LPO: variants seen among roughly 807,000 people sequenced by gnomAD.
LPO encodes salivary peroxidase.
Under a neutral mutation model 68.4 loss-of-function variants are expected in LPO, and 70 were observed. The observed-to-expected ratio is 1.02, with a 90% CI of 0.84 to 1.25. LPO has a LOEUF of 1.25. Among genes scored for constraint, LPO ranks in the 50% most tolerant of loss-of-function variants. LPO has a pLI of 0.00. For missense variants in LPO, 873 were observed against 908.4 expected (o/e 0.96, Z 0.50); for synonymous variants, 360 against 357.6 (o/e 1.01, Z -0.08).
Position 58,250,457 on chromosome 17 carries a change from G to C in LPO, c.616G>C (p.Glu206Gln). Residue 206 changes from glutamate to glutamine, a missense_variant, in exon 7 of 13, where the codon GAG becomes CAG. Glu to Gln is a conservative substitution (Grantham distance 29). Transcript: ENST00000262290. ...CAAGATTGTTGGCTATCTGAATGAG[G>C]AGGGTGTTCTGGACCAAAACAGGTC... is the stretch of plus-strand genomic sequence containing the variant. ...SNKIVGYLNE[E>Q]GVLDQNRSLL... 6.2e-7 allele frequency: 1 copy of C among 1,614,176 alleles called. No homozygotes were observed. The highest frequency in any genetic ancestry group is 2.2e-5 in the East Asian group (1 of 44,878).
rs139269539 is a variant in LPO at position 58,267,878 on chromosome 17, C to T, written c.2023C>T (p.Arg675Cys). The T allele has an allele frequency of 6.5e-5, 105 of 1,614,010 alleles. No homozygotes were observed. In the African/African-American group the frequency reaches 1.1e-3, roughly 18 times the overall value. ...CTCACGCCTTGTCTGTGACAACACC[C>T]GCATCACCAAGGTCCCACGGGACCC... ...SFSRLVCDNT[R>C]ITKVPRDPFW... The change falls in exon 13 of 13, where the codon CGC (arginine) becomes TGC (cysteine). Residue 675 changes from arginine (R) to cysteine (C), a missense_variant. Coordinates refer to ENST00000262290, the MANE Select transcript of LPO (RefSeq NM_006151.3).
At chr17:58,242,506 G>C (rs532819891) in intron 1 of LPO, among the ~76,000 whole-genome samples, 1 of 152,332 alleles carries the variant, frequency 6.6e-6, no homozygotes, top group Admixed American at 6.5e-5. Flanking sequence ...ATCCTGCAGG[G>C]AAGGAGGGAG....
At chr17:58,254,683 A>C in intron 8 of LPO, 128 bp from the exon 9 acceptor site, 1 of 752,804 alleles carries the variant, frequency 1.3e-6, no homozygotes. Flanking sequence ...CCTGACGGGA[A>C]GTAGGGCTTG....
intron 7 of LPO, chr17:58,251,081 C>A: frequency 5.9e-6 from 1 of 168,232 alleles, no homozygotes; most frequent in Non-Finnish European, 1.3e-5. Flanking sequence ...GAGTTTGAGA[C>A]CAGCCTGGCC....
rs755267298 is a variant in LPO at position 58,267,624 on chromosome 17, C to T, written c.1931+38C>T. On this transcript the variant is annotated intron_variant, in intron 12 of 12. Coordinates refer to ENST00000262290, the MANE Select transcript of LPO (RefSeq NM_006151.3). The stretch of plus-strand genomic sequence containing the variant: ...TCAGCCAGGGAGGGAAGGGCAGGGC[C>T]CTTCTCCAAGAGGGGTGTCCCAAGG... 3 of 1,562,630 alleles carry T rather than the reference C, an allele frequency of 1.9e-6. No individual in the cohort carries two copies. The South Asian group carries it at 3.6e-5, about 19-fold the overall frequency.
Position 58,266,205 on chromosome 17 carries a change from G to A in LPO, c.1572G>A (p.Met524Ile). 2.5e-6 allele frequency: 4 copies of A among 1,614,144 alleles called. No homozygotes were observed. The highest frequency in any genetic ancestry group is 3.4e-6 in the Non-Finnish European group (4 of 1,180,040). ...TGCTGGCCAAGAAATCCAAGCTGAT[G>A]AAACAGAATAAAATGATGACTGGAG... ...RGLLAKKSKL[M>I]KQNKMMTGEL... The change falls in exon 11 of 13, where the codon ATG becomes ATA. Residue 524 changes from methionine (M) to isoleucine (I), a missense_variant. Physicochemically the swap from Met to Ile is conservative, Grantham distance 10. Transcript: ENST00000262290.
At chr17:58,254,458 G>T (rs1007507969) in intron 8 of LPO, 1 of 160,822 alleles carries the variant, frequency 6.2e-6, no homozygotes, top group Non-Finnish European at 1.4e-5. Context: ...TTCCTAGAAG[G>T]CGGTTGGGTT....
intron 7 of LPO, chr17:58,251,588 A>G (rs542646874): frequency 3.6e-5 from 9 of 252,258 alleles, no homozygotes; most frequent in Non-Finnish European, 5.6e-5. Flanking sequence ...CTTCACTCAA[A>G]GAATAAATCG....
chr17:58,245,483 G>A (rs188555529), intron 3 of LPO, among the ~76,000 whole-genome samples: 2 of 152,178 alleles, frequency 1.3e-5, no homozygotes, highest in Admixed American at 1.3e-4. Context: ...TCTCTGCCTG[G>A]GAGCATCGGG....
At chr17:58,260,529 T>C (rs992527986) in intron 9 of LPO, among the ~76,000 whole-genome samples, 1 of 152,234 alleles carries the variant, frequency 6.6e-6, no homozygotes, top group Non-Finnish European at 1.5e-5. Flanking sequence ...AAATGTTTTG[T>C]AGTTGCCCTT....
At chr17:58,266,038 C>T in intron 10 of LPO, 115 bp from the exon 11 acceptor site, 1 of 981,516 alleles carries the variant, frequency 1.0e-6, no homozygotes, top group Non-Finnish European at 1.5e-6. Flanking sequence ...CCTGGGATGT[C>T]CAGGTGACCC....
At chr17:58,260,619 G>A (rs1234855191) in intron 9 of LPO, among the ~76,000 whole-genome samples, 2 of 151,950 alleles carry the variant, frequency 1.3e-5, no homozygotes, top group East Asian at 1.9e-4. Context: ...TTTGTCAAAC[G>A]GTTTTTCTGC....
chr17:58,255,102 G>C, intron 9 of LPO, 131 bp downstream of exon 9: 8 of 840,614 alleles, frequency 9.5e-6, no homozygotes, highest in Non-Finnish European at 1.5e-5. Context: ...CCCCTCTGCT[G>C]CTTCTCTCTT....
chr17:58,267,875 A>G lies in LPO; in HGVS notation c.2020A>G (p.Thr674Ala), dbSNP rs1598036338. Residue 674 changes from threonine (T) to alanine (A), a missense_variant, in exon 13 of 13, where the codon ACC becomes GCC. Coordinates refer to ENST00000262290, the MANE Select transcript of LPO (RefSeq NM_006151.3). The stretch of plus-strand genomic sequence containing the variant: ...CTTCTCACGCCTTGTCTGTGACAAC[A>G]CCCGCATCACCAAGGTCCCACGGGA... ...MSFSRLVCDNTRITKVPRDPF... is the reference protein window; with the variant it reads ...MSFSRLVCDNARITKVPRDPF... 6.2e-7 allele frequency: 1 copy of G among 1,613,878 alleles called. No homozygotes were observed. Among genetic ancestry groups the G allele is most frequent in the Non-Finnish European group, 8.5e-7 (1 of 1,179,986 alleles).
In LPO at chr17:58,267,587, G is replaced by A; in HGVS notation, c.1931+1G>A. The A allele has an allele frequency of 1.2e-6, 2 of 1,603,384 alleles. No homozygotes were observed. Among genetic ancestry groups the A allele is most frequent in the South Asian group, 1.1e-5 (1 of 90,086 alleles). ...TCCAGCAGATCCGTGATGGAGACAG[G>A]CAAGTGCGTCCTCAGCCAGGGAGGG... On this transcript the variant is annotated splice_donor_variant, in intron 12 of 12. Transcript: ENST00000262290. LOFTEE classifies it high-confidence loss of function.
chr17:58,267,329 C>G lies in LPO; in HGVS notation c.1694-20C>G. 6.3e-7 allele frequency: 1 copy of G among 1,591,234 alleles called. No homozygotes were observed. On this transcript the variant is annotated intron_variant, in intron 11 of 12. Transcript: ENST00000262290. ...ACAGGAAGTCCCCGGGATGAGACAG[C>G]CTCAGTCTCTCCACCCTAGGGTACA... is the stretch of plus-strand genomic sequence containing the variant.
At chr17:58,259,988 G>A (rs1037844526) in intron 9 of LPO, among the ~76,000 whole-genome samples, 2 of 151,806 alleles carry the variant, frequency 1.3e-5, no homozygotes, top group African/African-American at 4.8e-5. Flanking sequence ...GCTAATTTCT[G>A]TATTTTAGTA....
chr17:58,254,256 T>C (rs2143917969), intron 8 of LPO, among the ~76,000 whole-genome samples: 1 of 152,090 alleles, frequency 6.6e-6, no homozygotes, highest in East Asian at 1.9e-4. Flanking sequence ...CACCTGGTCT[T>C]TGGCCATTTA....
intron 1 of LPO, among the ~76,000 whole-genome samples, chr17:58,239,260 C>T (rs1054293223): frequency 1.0e-4 from 15 of 150,212 alleles, no homozygotes; most frequent in Admixed American, 4.7e-4. Context: ...GCAGCAGATC[C>T]GACCATCTAG....
Sources: gnomAD v4.1 joint callset for allele counts (sites outside exome capture counted in the v4.1 genomes callset) on GRCh38, gnomAD v4.1.1 for gene constraint, MANE v1.5 for transcripts, NCBI Gene and HGNC (gene_info 2026-07-23, HGNC 2026-07-21) for gene names.